The following NRCAM variants were observed in gnomAD, a reference collection of about 807,000 sequenced individuals.
NRCAM encodes the protein NgCAM-related cell adhesion molecule.
NRCAM carries 83 observed loss-of-function variants against 156.5 expected under a neutral mutation model. That is an observed-to-expected ratio of 0.53 (90% CI 0.44 to 0.64). The LOEUF is 0.64. Ranked by LOEUF, NRCAM falls within the 30% of genes least tolerant of loss-of-function variation. The probability of loss-of-function intolerance (pLI) is 0.00; values close to 1 mark genes in which losing one functional copy is unlikely to be tolerated. For synonymous variants in NRCAM, 538 were observed against 563.9 expected (o/e 0.95, Z 0.65); for missense variants, 1,417 against 1,597.3 (o/e 0.89, Z 1.92).
At chr7:108,208,022 G>C (rs905261698) in intron 12 of NRCAM, among the ~76,000 whole-genome samples, 1 of 152,064 alleles carries the variant, frequency 6.6e-6, no homozygotes, top group Non-Finnish European at 1.5e-5. Flanking sequence ...GACCAGGCAT[G>C]GTGGCTCATG....
intron 2 of NRCAM, among the ~76,000 whole-genome samples, chr7:108,376,120 T>C (rs2099674490): frequency 6.6e-6 from 1 of 152,176 alleles, no homozygotes; most frequent in Non-Finnish European, 1.5e-5. Context: ...TTACTTCAAC[T>C]TTGGATATAA....
At chr7:108,401,913 G>A (rs1023385255) in intron 1 of NRCAM, among the ~76,000 whole-genome samples, 3 of 152,244 alleles carry the variant, frequency 2.0e-5, no homozygotes, top group Admixed American at 6.5e-5. Context: ...GAGTCTCCAT[G>A]GTGTGGTGCT....
Position 108,379,470 on chromosome 7 carries a change from G to A in NRCAM, c.-174+19966C>T, listed in dbSNP as rs377181277. ...TAGAATGGCGACAGGAGCTGGAGGAGAGGAGATTTGTTTAATGGGTCTAGC... is the reference window on the plus strand; with the variant it reads ...TAGAATGGCGACAGGAGCTGGAGGAAAGGAGATTTGTTTAATGGGTCTAGC... On this transcript the variant is annotated intron_variant, in intron 2 of 32. Coordinates refer to ENST00000379028, the MANE Select transcript of NRCAM (RefSeq NM_001037132.4). Among the ~76,000 whole-genome samples the A allele has an allele frequency of 8.5e-5, 13 of 152,266 alleles. No individual in the cohort carries two copies. In the East Asian group the frequency reaches 9.6e-4, roughly 11 times the overall value.
chr7:108,264,361 A>T (rs2097006831), intron 3 of NRCAM, among the ~76,000 whole-genome samples: 1 of 152,106 alleles, frequency 6.6e-6, no homozygotes, highest in South Asian at 2.1e-4. Flanking sequence ...TTTATTTTTA[A>T]TTATGCTTAT....
At chr7:108,313,447 CTGGAAACAGAAGTCGTACTA>C (rs1459759210) in intron 2 of NRCAM, among the ~76,000 whole-genome samples, 5 of 152,288 alleles carry the variant, frequency 3.3e-5, no homozygotes, top group African/African-American at 1.2e-4. Context: ...CTTTGGATTT[CTGGAAACAGAAGTCGTACTA>C]TCAACCTCTG....
At chr7:108,217,396 G>A (rs902871785) in intron 11 of NRCAM, among the ~76,000 whole-genome samples, 1 of 152,212 alleles carries the variant, frequency 6.6e-6, no homozygotes, top group African/African-American at 2.4e-5. Context: ...AGGCACGGGG[G>A]TCAGGGACCC....
intron 2 of NRCAM, among the ~76,000 whole-genome samples, chr7:108,369,783 A>G (rs1339046044): frequency 6.6e-6 from 1 of 152,134 alleles, no homozygotes; most frequent in East Asian, 1.9e-4. Flanking sequence ...TTTGCTGATT[A>G]GCTTTAACAT....
intron 20 of NRCAM, among the ~76,000 whole-genome samples, chr7:108,186,922 T>C (rs1041682520): frequency 3.2e-4 from 49 of 152,330 alleles, no homozygotes; most frequent in African/African-American, 1.1e-3. Flanking sequence ...TATCACAAAA[T>C]GACATGGGAT....
chr7:108,451,999 TAAAC>T (rs1850925395), intron 1 of NRCAM, among the ~76,000 whole-genome samples: 1 of 152,336 alleles, frequency 6.6e-6, no homozygotes, highest in African/African-American at 2.4e-5. Context: ...ATTTTTTAAA[TAAAC>T]ATATTGCATT....
At chr7:108,184,149 G>A in intron 22 of NRCAM, 92 bp downstream of exon 22, 1 of 836,488 alleles carries the variant, frequency 1.2e-6, no homozygotes, top group Non-Finnish European at 1.9e-6. Flanking sequence ...CCAGAAATAG[G>A]TGAAATGAGA....
At chr7:108,263,109 G>A (rs990446816) in intron 3 of NRCAM, among the ~76,000 whole-genome samples, 1 of 152,188 alleles carries the variant, frequency 6.6e-6, no homozygotes, top group African/African-American at 2.4e-5. Flanking sequence ...TAGAGTGAGT[G>A]TCTCATCCCT....
chr7:108,301,925 A>AAAT (rs2098628489), intron 3 of NRCAM, among the ~76,000 whole-genome samples: 1 of 152,132 alleles, frequency 6.6e-6, no homozygotes. Flanking sequence ...TACATGCTCT[A>AAAT]GGGTTAAATG....
intron 1 of NRCAM, among the ~76,000 whole-genome samples, chr7:108,428,285 A>G (rs2300049): frequency 3.3e-5 from 5 of 152,086 alleles, no homozygotes; most frequent in African/African-American, 9.7e-5. Flanking sequence ...AACAGCTAGC[A>G]TGGTGAAAAA....
intron 1 of NRCAM, among the ~76,000 whole-genome samples, chr7:108,406,530 G>C (rs1266819143): frequency 6.6e-6 from 1 of 152,204 alleles, no homozygotes; most frequent in African/African-American, 2.4e-5. Context: ...CCATGTTGGA[G>C]AGAACACTCC....
chr7:108,157,753 G>C (rs996966512), intron 32 of NRCAM, among the ~76,000 whole-genome samples: 3 of 152,122 alleles, frequency 2.0e-5, no homozygotes, highest in Non-Finnish European at 2.9e-5. Flanking sequence ...TCACATCGCT[G>C]TAAGAGCAAG....
chr7:108,386,258 T>C (rs2099740596), intron 2 of NRCAM, among the ~76,000 whole-genome samples: 1 of 152,218 alleles, frequency 6.6e-6, no homozygotes, highest in South Asian at 2.1e-4. Flanking sequence ...TGACAAAACA[T>C]GCCAAGGAGA....
chr7:108,294,094 C>T (rs2098398491), intron 3 of NRCAM, among the ~76,000 whole-genome samples: 1 of 148,028 alleles, frequency 6.8e-6, no homozygotes, highest in South Asian at 2.2e-4. Context: ...GGTTCTGAAT[C>T]TTAAAATGAG....
chr7:108,218,018 T>G (rs1276320569), intron 11 of NRCAM, among the ~76,000 whole-genome samples: 1 of 152,148 alleles, frequency 6.6e-6, no homozygotes, highest in Non-Finnish European at 1.5e-5. Flanking sequence ...GTCGCCCAGT[T>G]TTTTGCTTGA....
chr7:108,423,086 G>T (rs908913112), intron 1 of NRCAM, among the ~76,000 whole-genome samples: 1 of 152,080 alleles, frequency 6.6e-6, no homozygotes, highest in African/African-American at 2.4e-5. Context: ...TATAGTTGAG[G>T]ATGGGACTTG....
Sources: allele counts gnomAD v4.1 joint callset (sites outside exome capture counted in the v4.1 genomes callset), GRCh38; gene constraint gnomAD v4.1.1; transcripts MANE v1.5; gene names NCBI Gene and HGNC (gene_info 2026-07-23, HGNC 2026-07-21).